LRRC49: variants seen among roughly 807,000 people sequenced by gnomAD.
The protein encoded by LRRC49 is leucine-rich repeat-containing protein 49.
LRRC49 carries 50 observed loss-of-function variants against 83.3 expected under a neutral mutation model. That is an observed-to-expected ratio of 0.60 (90% CI 0.48 to 0.76). LRRC49 has a LOEUF of 0.76. Among genes scored for constraint, LRRC49 ranks in the 30% least tolerant of loss-of-function variants. The pLI is 0.00. For missense variants in LRRC49, 704 were observed against 809.1 expected (o/e 0.87, Z 1.58); for synonymous variants, 286 against 283.3 (o/e 1.01, Z -0.10).
intron 8 of LRRC49, among the ~76,000 whole-genome samples, chr15:70,949,702 C>A (rs552205851): frequency 6.6e-6 from 1 of 152,174 alleles, no homozygotes; most frequent in Non-Finnish European, 1.5e-5. Flanking sequence ...TATCACAATA[C>A]CTACACATCA....
intron 6 of LRRC49, among the ~76,000 whole-genome samples, chr15:70,912,605 C>G (rs1237944570): frequency 6.6e-6 from 1 of 151,894 alleles, no homozygotes; most frequent in Non-Finnish European, 1.5e-5. Flanking sequence ...ACTATATAAT[C>G]TGGGCTCCCA....
intron 11 of LRRC49, among the ~76,000 whole-genome samples, chr15:70,999,800 A>G (rs980121586): frequency 2.6e-5 from 4 of 152,070 alleles, no homozygotes; most frequent in African/African-American, 7.2e-5. Context: ...TGCTTGCTGC[A>G]GCTACTATCC....
intron 3 of LRRC49, among the ~76,000 whole-genome samples, chr15:70,899,074 A>G (rs2033959401): frequency 6.6e-6 from 1 of 152,190 alleles, no homozygotes; most frequent in Non-Finnish European, 1.5e-5. Context: ...TTATGCTGAT[A>G]GTGATTATGA....
chr15:70,977,061 C>G (rs907090010), intron 9 of LRRC49, among the ~76,000 whole-genome samples: 2 of 152,116 alleles, frequency 1.3e-5, no homozygotes, highest in Non-Finnish European at 2.9e-5. Context: ...AGTACGTGAT[C>G]CATACAGTTT....
At chr15:70,943,968 T>C (rs2035914850) in intron 8 of LRRC49, among the ~76,000 whole-genome samples, 1 of 152,128 alleles carries the variant, frequency 6.6e-6, no homozygotes, top group South Asian at 2.1e-4. Flanking sequence ...CTACTTACTG[T>C]AACACATCCA....
chr15:70,935,662 A>T (rs2035568423), intron 7 of LRRC49, among the ~76,000 whole-genome samples: 1 of 152,210 alleles, frequency 6.6e-6, no homozygotes, highest in African/African-American at 2.4e-5. Flanking sequence ...AAATATACTT[A>T]TTTTTGTATT....
intron 13 of LRRC49, 64 bp downstream of exon 13, chr15:71,010,056 T>C: frequency 9.6e-7 from 1 of 1,038,572 alleles, no homozygotes; most frequent in Non-Finnish European, 1.3e-6. Flanking sequence ...ATAGTTACTT[T>C]AAATGTTTAG....
rs565701299 is a variant in LRRC49 at position 70,871,061 on chromosome 15, A to G, written c.-298-1847A>G. Among the ~76,000 whole-genome samples the G allele has an allele frequency of 4.7e-4, 72 of 151,792 alleles. No individual in the cohort carries two copies. In the South Asian group the frequency reaches 0.014, roughly 29 times the overall value. ...GCGAAGGTCAGCAGATAAACATGTG[A>G]ACAAGGGTCTGTGGTTTTCCTAGGC... On this transcript the variant is annotated intron_variant, in intron 1 of 16. Transcript: ENST00000544974.
At chr15:70,877,724 A>C (rs1335358154) in intron 2 of LRRC49, among the ~76,000 whole-genome samples, 10 of 152,326 alleles carry the variant, frequency 6.6e-5, no homozygotes, top group African/African-American at 1.4e-4. Context: ...TGGGTATGTT[A>C]CCTTCATGAA....
chr15:70,901,920 C>T (rs2034097745), intron 4 of LRRC49, among the ~76,000 whole-genome samples: 1 of 152,118 alleles, frequency 6.6e-6, no homozygotes, highest in African/African-American at 2.4e-5. Context: ...TCTCTATCTA[C>T]CCCAGTGGTA....
intron 5 of LRRC49, among the ~76,000 whole-genome samples, chr15:70,910,324 T>A (rs1371786833): frequency 6.6e-6 from 1 of 152,150 alleles, no homozygotes; most frequent in Non-Finnish European, 1.5e-5. Context: ...TAAGTCTGCA[T>A]TATGTTTACA....
intron 6 of LRRC49, among the ~76,000 whole-genome samples, chr15:70,914,414 A>T (rs2034676207): frequency 1.3e-5 from 2 of 152,162 alleles, no homozygotes; most frequent in Non-Finnish European, 2.9e-5. Context: ...ATGTGAAATC[A>T]TTCTGAGTAA....
intron 15 of LRRC49, among the ~76,000 whole-genome samples, chr15:71,043,091 C>A (rs1372980712): frequency 1.3e-5 from 2 of 152,152 alleles, no homozygotes. Flanking sequence ...TATGTGCATG[C>A]CATCTCCCAA....
At chr15:71,007,066 G>A (rs966388480) in intron 11 of LRRC49, among the ~76,000 whole-genome samples, 4 of 151,850 alleles carry the variant, frequency 2.6e-5, no homozygotes, top group Non-Finnish European at 5.9e-5. Flanking sequence ...TAGAAATCAA[G>A]CCTTTTTGTA....
chr15:71,031,428 G>C (rs1428612350), intron 14 of LRRC49, among the ~76,000 whole-genome samples: 1 of 152,208 alleles, frequency 6.6e-6, no homozygotes, highest in African/African-American at 2.4e-5. Context: ...TGAGGTGTCT[G>C]TTGGCCCCTG....
In LRRC49 at chr15:71,037,164, ACTGT is replaced by A; in HGVS notation, c.1704-12_1704-9del. The A allele has an allele frequency of 1.3e-6, 2 of 1,581,582 alleles. No homozygotes were observed. Among genetic ancestry groups the A allele is most frequent in the South Asian group, 2.3e-5 (2 of 87,832 alleles). ...GATAAGTAACTCTCTAAATCTCTTT[ACTGT>A]CTTTCTACAGGAAAAAGCAATTTCG... On this transcript the variant is annotated splice_polypyrimidine_tract_variant and intron_variant, in intron 14 of 15. Coordinates refer to ENST00000260382, the MANE Select transcript of LRRC49 (RefSeq NM_017691.5).
chr15:70,919,189 T>A lies in LRRC49; in HGVS notation c.707T>A (p.Phe236Tyr). 1 of 1,609,556 alleles carries A rather than the reference T, an allele frequency of 6.2e-7. No individual in the cohort carries two copies. The highest frequency in any genetic ancestry group is 1.1e-5 in the South Asian group (1 of 89,790). ...AACTTGCGACACAATCAAATCACTTTCGTGGTGAGTATTAAAATGGAGTTG... is the reference window on the plus strand; with the variant it reads ...AACTTGCGACACAATCAAATCACTTACGTGGTGAGTATTAAAATGGAGTTG... Reference protein sequence around the residue: ...ELNLRHNQITFVRDVDNLPCL... With the variant: ...ELNLRHNQITYVRDVDNLPCL... Residue 236 changes from phenylalanine (F) to tyrosine (Y), a missense_variant, in exon 7 of 16, where the codon TTC becomes TAC. Phe to Tyr is a conservative substitution (Grantham distance 22). This residue lies in a region of LRRC49 where 261 missense variants were observed against 330.5 expected (regional missense o/e 0.79). Transcript: ENST00000260382.
chr15:70,884,007 AG>A (rs1253994234), intron 2 of LRRC49, among the ~76,000 whole-genome samples: 2 of 152,064 alleles, frequency 1.3e-5, no homozygotes, highest in Non-Finnish European at 2.9e-5. Flanking sequence ...AGAAAGAAGG[AG>A]GGTTTTGATA....
intron 2 of LRRC49, chr15:70,882,931 A>C: frequency 6.2e-7 from 1 of 1,613,004 alleles, no homozygotes; most frequent in Non-Finnish European, 8.5e-7. Context: ...ATCAGAGGAG[A>C]AACATATTAA....
Sources: allele counts gnomAD v4.1 joint callset (sites outside exome capture counted in the v4.1 genomes callset), GRCh38; gene constraint gnomAD v4.1.1; regional missense constraint gnomAD v4.1.1; transcripts MANE v1.5; gene names NCBI Gene and HGNC (gene_info 2026-07-23, HGNC 2026-07-21).